Variants in HTR2C observed in about 807,000 individuals in gnomAD.
The protein encoded by HTR2C is 5-hydroxytryptamine (serotonin) receptor 2C, G protein-coupled.
Under a neutral mutation model 21.0 loss-of-function variants are expected in HTR2C, and 5 were observed. The observed-to-expected ratio is 0.24, with a 90% confidence interval of 0.12 to 0.50. The LOEUF (loss-of-function observed/expected upper bound fraction) is 0.50. Among genes scored for constraint, HTR2C ranks in the 20% least tolerant of loss-of-function variants. The pLI is 0.98. For synonymous variants in HTR2C, 150 were observed against 145.3 expected, an observed-to-expected ratio of 1.03 and a Z score of -0.23; for missense variants, 271 against 371.2, an observed-to-expected ratio of 0.73 and a Z score of 2.22.
At chrX:114,651,129 C>T (rs782070852) in intron 2 of HTR2C, among the ~76,000 whole-genome samples, 1 of 111,875 alleles carries the variant, frequency 8.9e-6, no homozygotes, top group East Asian at 2.8e-4. Flanking sequence ...CTGACTTGTT[C>T]AAAGACAGAT....
At chrX:114,901,691 T>C (rs1372745538) in intron 5 of HTR2C, among the ~76,000 whole-genome samples, 3 of 111,742 alleles carry the variant, frequency 2.7e-5, no homozygotes, top group Non-Finnish European at 3.8e-5. Flanking sequence ...CTGAATTAGA[T>C]AATGCATGTG....
chrX:114,598,754 TAAC>T (rs1164556631), intron 1 of HTR2C, among the ~76,000 whole-genome samples: 1 of 111,406 alleles, frequency 9.0e-6, no homozygotes, highest in Non-Finnish European at 1.9e-5. Flanking sequence ...AATGCATGGA[TAAC>T]GTTATGAAAA....
At chrX:114,863,778 T>C (rs967680439) in intron 5 of HTR2C, among the ~76,000 whole-genome samples, 3 of 111,989 alleles carry the variant, frequency 2.7e-5, no homozygotes, top group Non-Finnish European at 5.7e-5. Context: ...TTTGTTCTTT[T>C]ATGTCCATTA....
intron 5 of HTR2C, among the ~76,000 whole-genome samples, chrX:114,858,246 A>T (rs2070979025): frequency 9.0e-6 from 1 of 111,279 alleles, no homozygotes; most frequent in Non-Finnish European, 1.9e-5. Context: ...AAAATATGCT[A>T]TTGTTTTAAA....
intron 5 of HTR2C, among the ~76,000 whole-genome samples, chrX:114,905,993 A>G (rs1478080884): frequency 1.8e-5 from 2 of 111,496 alleles, no homozygotes; most frequent in Admixed American, 1.9e-4. Flanking sequence ...CAGAGACTCA[A>G]AATAAAACAA....
intron 4 of HTR2C, among the ~76,000 whole-genome samples, chrX:114,825,759 T>G (rs2070672883): frequency 8.9e-6 from 1 of 111,907 alleles, no homozygotes; most frequent in African/African-American, 3.2e-5. Context: ...ATTTCTTCTT[T>G]CTGCTCTACC....
intron 4 of HTR2C, among the ~76,000 whole-genome samples, chrX:114,803,460 A>T (rs2070371914): frequency 9.7e-6 from 1 of 103,115 alleles, no homozygotes; most frequent in Admixed American, 1.1e-4. Flanking sequence ...TGTGGTTTTG[A>T]TTTGCATTTC....
chrX:114,819,856 T>C (rs150250021), intron 4 of HTR2C, among the ~76,000 whole-genome samples: 118 of 112,673 alleles, frequency 1.0e-3, no homozygotes, highest in African/African-American at 3.5e-3. Context: ...AGAAAATCCT[T>C]GTGACAGTTA....
Position 114,907,674 on chromosome X carries a change from C to A in HTR2C, c.*259C>A, listed in dbSNP as rs782092867. 3.7e-6 allele frequency: 1 copy of A among 268,730 alleles called. No individual in the cohort carries two copies. The highest frequency in any genetic ancestry group is 2.8e-5 in the African/African-American group (1 of 35,604). 22.1% of individuals were successfully genotyped at this position (268,730 alleles called of 1,213,427 possible). ...AAAATGTTTATTTTTGCTCTCCCTC[C>A]CTTCTTTCCTTCCTTTTTTCCTTTC... is the stretch of plus-strand genomic sequence containing the variant. On this transcript the variant is annotated 3_prime_UTR_variant, in exon 6 of 6. Transcript: ENST00000276198.
intron 2 of HTR2C, among the ~76,000 whole-genome samples, chrX:114,658,716 A>G (rs1400088318): frequency 1.8e-5 from 2 of 111,186 alleles, no homozygotes; most frequent in African/African-American, 6.5e-5. Context: ...AGGAGGGATA[A>G]CTCTGCCATA....
intron 1 of HTR2C, among the ~76,000 whole-genome samples, chrX:114,598,104 CA>C (rs1406104983): frequency 9.0e-6 from 1 of 111,592 alleles, no homozygotes. Flanking sequence ...GAGCTCTACA[CA>C]AAGGATTTGG....
intron 1 of HTR2C, among the ~76,000 whole-genome samples, chrX:114,597,092 C>T (rs1927886367): frequency 9.2e-6 from 1 of 108,755 alleles, no homozygotes; most frequent in South Asian, 4.1e-4. Flanking sequence ...GTTGTGTGTG[C>T]CTGTAATCCC....
intron 4 of HTR2C, among the ~76,000 whole-genome samples, chrX:114,785,468 T>C (rs1299508728): frequency 8.9e-6 from 1 of 111,846 alleles, no homozygotes; most frequent in Non-Finnish European, 1.9e-5. Flanking sequence ...GAATGCAAAG[T>C]TGATTTAACA....
chrX:114,752,698 T>G (rs2069772156), intron 4 of HTR2C, among the ~76,000 whole-genome samples: 2 of 110,348 alleles, frequency 1.8e-5, no homozygotes, highest in South Asian at 7.8e-4. Context: ...TCACCCTATT[T>G]CTCTCCCAAC....
chrX:114,853,995 T>C (rs2070939427), intron 5 of HTR2C, among the ~76,000 whole-genome samples: 1 of 111,762 alleles, frequency 8.9e-6, no homozygotes, highest in Non-Finnish European at 1.9e-5. Flanking sequence ...CACTCTGTCT[T>C]CCAAACTTTA....
intron 4 of HTR2C, among the ~76,000 whole-genome samples, chrX:114,837,715 C>T (rs1241290103): frequency 1.8e-5 from 2 of 109,333 alleles, no homozygotes; most frequent in Non-Finnish European, 3.8e-5. Flanking sequence ...AAAAAATCAC[C>T]GATAAACAAG....
chrX:114,693,643 C>T (rs1932176249), intron 2 of HTR2C, among the ~76,000 whole-genome samples: 1 of 111,001 alleles, frequency 9.0e-6, no homozygotes, highest in Non-Finnish European at 1.9e-5. Flanking sequence ...CACAATTTTC[C>T]AATTATGAAC....
rs2070995778 is a variant in HTR2C at position 114,860,191 on chromosome X, G to A, written c.550+11988G>A. Among the ~76,000 whole-genome samples the A allele has an allele frequency of 2.7e-5, 3 of 111,538 alleles. No homozygotes were observed. In the South Asian group the frequency reaches 1.1e-3, roughly 41 times the overall value. On this transcript the variant is annotated intron_variant, in intron 5 of 5. Transcript: ENST00000276198. Reference sequence around the variant, plus strand: ...GTAACTTTTCTATGTGTATTTTCTAGTTACTGCAAGAGTTGTGTTAAAATC... The same window carrying A: ...GTAACTTTTCTATGTGTATTTTCTAATTACTGCAAGAGTTGTGTTAAAATC...
intron 2 of HTR2C, among the ~76,000 whole-genome samples, chrX:114,689,935 C>T (rs1030351689): frequency 2.2e-4 from 25 of 111,359 alleles, no homozygotes; most frequent in Non-Finnish European, 4.3e-4. Context: ...TGAGATAATT[C>T]ATAACTCATT....
Sources: gnomAD v4.1 joint callset for allele counts (sites outside exome capture counted in the v4.1 genomes callset) on GRCh38, gnomAD v4.1.1 for gene constraint, MANE v1.5 for transcripts, NCBI Gene and HGNC (gene_info 2026-07-23, HGNC 2026-07-21) for gene names.